The following USP24 variants were observed in gnomAD, a reference collection of about 807,000 sequenced individuals.
USP24 encodes the protein ubiquitin carboxyl-terminal hydrolase 24.
Under a neutral mutation model 361.6 loss-of-function variants are expected in USP24, and 97 were observed. The ratio of observed to expected loss-of-function variants is 0.27; its 90% CI spans 0.23 to 0.32. The LOEUF (loss-of-function observed/expected upper bound fraction) is 0.32. Among genes scored for constraint, USP24 ranks in the 10% least tolerant of loss-of-function variants. The pLI is 1.00. For missense variants in USP24, 2,353 were observed against 3,165.6 expected (o/e 0.74, Z 6.16); for synonymous variants, 1,098 against 1,124.6 (o/e 0.98, Z 0.47).
intron 21 of USP24, among the ~76,000 whole-genome samples, chr1:55,143,630 G>A (rs1383866277): frequency 6.6e-6 from 1 of 150,520 alleles, no homozygotes; most frequent in African/African-American, 2.5e-5. Context: ...GAGTTAATAA[G>A]CCTTTTTTTT....
At chr1:55,077,321 A>C in intron 61 of USP24, 21 bp from the exon 62 acceptor site, 2 of 1,542,046 alleles carry the variant, frequency 1.3e-6, no homozygotes, top group Non-Finnish European at 1.8e-6. Flanking sequence ...TTTTAAAAGC[A>C]TAAAAACTTC....
chr1:55,195,294 C>T (rs997313727), intron 1 of USP24, among the ~76,000 whole-genome samples: 20 of 152,172 alleles, frequency 1.3e-4, no homozygotes, highest in Admixed American at 7.2e-4. Flanking sequence ...GCTCTCTCTG[C>T]CTAGGTGGCC....
chr1:55,114,374 C>G (rs1570440147), intron 38 of USP24, among the ~76,000 whole-genome samples: 1 of 152,178 alleles, frequency 6.6e-6, no homozygotes, highest in East Asian at 1.9e-4. Context: ...ACTTTCTTCA[C>G]AGAATTAGAG....
At chr1:55,195,440 C>T (rs929028401) in intron 1 of USP24, among the ~76,000 whole-genome samples, 2 of 152,198 alleles carry the variant, frequency 1.3e-5, no homozygotes, top group African/African-American at 4.8e-5. Context: ...AATTCTCATT[C>T]AGTATTTTCC....
At chr1:55,159,082 C>A in intron 9 of USP24, 46 bp from the exon 10 acceptor site, 1 of 1,371,668 alleles carries the variant, frequency 7.3e-7, no homozygotes, top group South Asian at 1.8e-5. Flanking sequence ...ACTGTAAAAA[C>A]ATTTTGATCC....
rs1187772792 is a variant in USP24, at chr1:55,129,564, G to T, written c.3548C>A (p.Ser1183Tyr). Reference protein sequence around the residue: ...RVLYNLEVLSSKLMPTADDDM... With the variant: ...RVLYNLEVLSYKLMPTADDDM... ...ATCATCAGCTGTTGGCATGAGTTTG[G>T]AGCTTAGAACCTAGGGAACAGATAA... is the stretch of plus-strand genomic sequence containing the variant. The change falls in exon 32 of 68, where the codon TCC becomes TAC. Residue 1183 changes from serine (S) to tyrosine (Y), a missense_variant. Ser to Tyr is a moderately radical substitution (Grantham distance 144). This residue lies in a region of USP24 where 949 missense variants were observed against 1,280.5 expected (regional missense o/e 0.74). Coordinates refer to ENST00000294383, the MANE Select transcript of USP24 (RefSeq NM_015306.3). 1 of 1,613,748 alleles carries T rather than the reference G, an allele frequency of 6.2e-7. No homozygotes were observed. Among genetic ancestry groups the T allele is most frequent in the Non-Finnish European group, 8.5e-7 (1 of 1,179,736 alleles).
rs763111449 is a variant in USP24 at position 55,124,547 on chromosome 1, G to T, written c.4042C>A (p.Leu1348Ile). ...TTAATTGGCTGGCTACTCCCAACAA[G>T]ATCAAGCCGTCCTGCAGCCGCAGCC... Reference protein sequence around the residue: ...SWAAAAGRLDLVGSSQPIKES... With the variant: ...SWAAAAGRLDIVGSSQPIKES... Residue 1348 changes from leucine to isoleucine, a missense_variant, in exon 35 of 68, where the codon CTT becomes ATT. Physicochemically the swap from Leu to Ile is conservative, Grantham distance 5 (BLOSUM62 2). This residue lies in a region of USP24 where 949 missense variants were observed against 1,280.5 expected (regional missense o/e 0.74). Transcript: ENST00000294383. The T allele has an allele frequency of 3.7e-6, 6 of 1,613,764 alleles. No individual in the cohort carries two copies. Among genetic ancestry groups the T allele is most frequent in the Non-Finnish European group, 5.1e-6 (6 of 1,179,878 alleles).
chr1:55,113,476 C>T (rs1646014200), intron 38 of USP24, among the ~76,000 whole-genome samples: 1 of 152,210 alleles, frequency 6.6e-6, no homozygotes, highest in South Asian at 2.1e-4. Context: ...GGTACCATTC[C>T]TTCTGAAACT....
intron 1 of USP24, among the ~76,000 whole-genome samples, chr1:55,198,618 T>C (rs1644481085): frequency 6.6e-6 from 1 of 152,206 alleles, no homozygotes; most frequent in African/African-American, 2.4e-5. Context: ...TCCATACATG[T>C]GTAATGCCTC....
At chr1:55,166,788 T>C (rs1648912959) in intron 5 of USP24, among the ~76,000 whole-genome samples, 185 bp from the exon 6 acceptor site, 2 of 152,106 alleles carry the variant, frequency 1.3e-5, no homozygotes, top group African/African-American at 4.8e-5. Flanking sequence ...ATTTTGGGAG[T>C]CTGTAAGTCT....
At chr1:55,202,916 A>T (rs927355818) in intron 1 of USP24, among the ~76,000 whole-genome samples, 1 of 152,228 alleles carries the variant, frequency 6.6e-6, no homozygotes, top group South Asian at 2.1e-4. Context: ...CTAATGATAA[A>T]GCAAGATAAA....
At position 55,147,657 on chromosome 1, in the gene USP24, A is replaced by G. The variant is rs200105553; in HGVS notation, c.2110T>C (p.Tyr704His). 3.2e-5 allele frequency: 52 copies of G among 1,606,502 alleles called. No homozygotes were observed. The highest frequency in any genetic ancestry group is 1.7e-4 in the Middle Eastern group (1 of 6,030). Residue 704 changes from tyrosine to histidine, a missense_variant, in exon 18 of 68, where the codon TAC (tyrosine) becomes CAC (histidine). By Grantham distance (83) the Tyr-to-His change is moderately conservative (BLOSUM62 2). This residue lies in a region of USP24 where 949 missense variants were observed against 1,280.5 expected (regional missense o/e 0.74). Coordinates refer to ENST00000294383, the MANE Select transcript of USP24 (RefSeq NM_015306.3). ...AACACAAGGCCTGATACCTCCCGGT[A>G]AGTGTACCGGCCATCCACTAGTGTC... The part of the protein sequence containing the change: ...GSTLVDGRYT[Y>H]REYLEAHLKF...
Position 55,154,769 on chromosome 1 carries a change from A to G in USP24, c.1456T>C (p.Ser486Pro). The change falls in exon 13 of 68, where the codon TCA (serine) becomes CCA (proline). Residue 486 changes from serine to proline, a missense_variant. This residue lies in a region of USP24 where 386 missense variants were observed against 560.5 expected (regional missense o/e 0.69). Transcript: ENST00000294383. ...TKIWKIQSGQ[S>P]STVIENIHTI... is the part of the protein sequence containing the mutation. Reference sequence around the variant, plus strand: ...TGAATGTTCTCAATCACAGTAGATGATTGTCCTGACTGGAAAAGGAAACAT... The same window carrying G: ...TGAATGTTCTCAATCACAGTAGATGGTTGTCCTGACTGGAAAAGGAAACAT... 1 of 1,610,874 alleles carries G rather than the reference A, an allele frequency of 6.2e-7. No individual in the cohort carries two copies. Among genetic ancestry groups the G allele is most frequent in the Non-Finnish European group, 8.5e-7 (1 of 1,178,680 alleles).
chr1:55,141,842 T>C (rs1372450411), intron 23 of USP24, 111 bp from the exon 24 acceptor site: 13 of 940,732 alleles, frequency 1.4e-5, no homozygotes, highest in Non-Finnish European at 2.1e-5. Context: ...GCATTCACTG[T>C]AGGATGTTTA....
intron 54 of USP24, 63 bp from the exon 55 acceptor site, chr1:55,089,803 T>C (rs1645335213): frequency 8.8e-7 from 1 of 1,132,590 alleles, no homozygotes; most frequent in Non-Finnish European, 1.3e-6. Flanking sequence ...CCTCATGCAG[T>C]GCACTCTTGT....
chr1:55,189,986 G>A (rs958722441), intron 1 of USP24, among the ~76,000 whole-genome samples: 14 of 151,772 alleles, frequency 9.2e-5, no homozygotes, highest in African/African-American at 3.1e-4. Context: ...CCAACATGGT[G>A]AAACCCCATC....
At position 55,125,457 on chromosome 1, in the gene USP24, T is replaced by A; in HGVS notation, c.3823A>T (p.Asn1275Tyr). The change falls in exon 34 of 68, where the codon AAT becomes TAT. Residue 1275 changes from asparagine to tyrosine, a missense_variant. Physicochemically the swap from Asn to Tyr is moderately radical, Grantham distance 143. Transcript: ENST00000294383. ...TGTCTGCTTGTCTGCCGGCTGACATTTCGGAATGGGCGGGAAGAAAGTGCT... is the reference window on the plus strand; with the variant it reads ...TGTCTGCTTGTCTGCCGGCTGACATATCGGAATGGGCGGGAAGAAAGTGCT... ...IEALSSRPFRNVSRQTSRQMS... is the reference protein window; with the variant it reads ...IEALSSRPFRYVSRQTSRQMS... 1 of 1,613,968 alleles carries A rather than the reference T, an allele frequency of 6.2e-7. No individual in the cohort carries two copies. Among genetic ancestry groups the A allele is most frequent in the Non-Finnish European group, 8.5e-7 (1 of 1,179,884 alleles).
chr1:55,070,180 G>A (rs780670369), intron 67 of USP24, among the ~76,000 whole-genome samples: 13 of 152,066 alleles, frequency 8.5e-5, no homozygotes, highest in Non-Finnish European at 1.6e-4. Flanking sequence ...GCTTTGGTGG[G>A]CGCAGGGAGG....
At chr1:55,208,356 G>A (rs1353052961) in intron 1 of USP24, among the ~76,000 whole-genome samples, 5 of 152,168 alleles carry the variant, frequency 3.3e-5, no homozygotes, top group South Asian at 2.1e-4. Context: ...GGCCAGGTGC[G>A]GAGGCTCACA....
Sources: allele counts gnomAD v4.1 joint callset (sites outside exome capture counted in the v4.1 genomes callset), GRCh38; gene constraint gnomAD v4.1.1; regional missense constraint gnomAD v4.1.1; transcripts MANE v1.5; gene names NCBI Gene and HGNC (gene_info 2026-07-23, HGNC 2026-07-21).